Variants in ARHGAP30 observed in about 807,000 individuals in gnomAD.
The protein encoded by ARHGAP30 is Rho GTPase activating protein 30.
ARHGAP30 carries 23 observed loss-of-function variants against 72.0 expected under a neutral mutation model. The observed-to-expected ratio is 0.32, with a 90% CI of 0.23 to 0.45. The LOEUF (loss-of-function observed/expected upper bound fraction) is 0.45, where lower values mean the gene tolerates loss of function less well. Among genes scored for constraint, ARHGAP30 ranks in the 20% least tolerant of loss-of-function variants. The pLI is 1.00. For synonymous variants in ARHGAP30, 576 were observed against 528.2 expected, an observed-to-expected ratio of 1.09 and a Z score of -1.24; for missense variants, 1,319 against 1,383.4, an observed-to-expected ratio of 0.95 and a Z score of 0.74.
chr1:161,053,823 C>G (rs1016849307), intron 5 of ARHGAP30, among the ~76,000 whole-genome samples: 2 of 152,154 alleles, frequency 1.3e-5, no homozygotes, highest in African/African-American at 4.8e-5. Flanking sequence ...CTAGCACTTG[C>G]ACAGGGAGGA....
intron 2 of ARHGAP30, among the ~76,000 whole-genome samples, chr1:161,059,255 C>T (rs565844152): frequency 6.6e-6 from 1 of 152,088 alleles, no homozygotes; most frequent in African/African-American, 2.4e-5. Context: ...TCTTGAACTC[C>T]TGACCTCAGG....
At position 161,048,858 on chromosome 1, in the gene ARHGAP30, T is replaced by C. The variant is rs1651107364; in HGVS notation, c.2163A>G (p.Lys721=). ...CCATACTGTCAGCCTTCTTCTGACC[T>C]TTGGACTTCTCTTCCTTGGCCTCTG... ...EETEAKEEKS[K]GQKKADSMEA... The change falls in exon 12 of 12, where the codon AAA becomes AAG. Residue 721 remains lysine, a synonymous_variant. Coordinates refer to ENST00000368013, the MANE Select transcript of ARHGAP30 (RefSeq NM_001025598.2). The C allele has an allele frequency of 6.2e-7, 1 of 1,614,142 alleles. No homozygotes were observed. Among genetic ancestry groups the C allele is most frequent in the Non-Finnish European group, 8.5e-7 (1 of 1,180,014 alleles).
rs1553219780 is a variant in ARHGAP30, at chr1:161,064,779, A to AAAGAAAGAAAGAAAGAAAG, written c.97+4748_97+4749insCTTTCTTTCTTTCTTTCTT. ...AGAAAGAGAAAGAAAGAAAGAAAGAAAAAGAAAGAAAGAAAGAAAGAAAGA... is the reference window on the plus strand; with the variant it reads ...AGAAAGAGAAAGAAAGAAAGAAAGAAAAGAAAGAAAGAAAGAAAGAAAGAAAGAAAGAAAGAAAGAAAGA... On this transcript the variant is annotated intron_variant, in intron 1 of 11. Transcript: ENST00000368013. Among the ~76,000 whole-genome samples, 92 of 98,146 alleles carry AAAGAAAGAAAGAAAGAAAG rather than the reference A, an allele frequency of 9.4e-4. 2 individuals carry two copies. The highest frequency in any genetic ancestry group is 4.5e-3 in the South Asian group (13 of 2,916). The allele number at this position is 98,146 out of a possible 152,430, so 64.4% of individuals were successfully genotyped here.
At chr1:161,055,492 C>CA (rs1367984382) in intron 3 of ARHGAP30, among the ~76,000 whole-genome samples, 1 of 150,978 alleles carries the variant, frequency 6.6e-6, no homozygotes, top group African/African-American at 2.4e-5. Context: ...GACCCTGTCT[C>CA]AAAAAACAAA....
intron 2 of ARHGAP30, 61 bp downstream of exon 2, chr1:161,059,553 C>T (rs756886751): frequency 1.4e-5 from 20 of 1,441,526 alleles, no homozygotes; most frequent in Non-Finnish European, 1.9e-5. Context: ...GCAACTCTTA[C>T]TGTGACCTTC....
chr1:161,068,820 C>T (rs1485013036), intron 1 of ARHGAP30, among the ~76,000 whole-genome samples: 2 of 152,130 alleles, frequency 1.3e-5, no homozygotes, highest in Admixed American at 6.5e-5. Flanking sequence ...CCACACCCAC[C>T]CTCCTTTGCA....
In ARHGAP30 at chr1:161,069,027, A is replaced by G. The variant is rs1488489077; in HGVS notation, c.97+501T>C. On this transcript the variant is annotated intron_variant, in intron 1 of 11. Coordinates refer to ENST00000368013, the MANE Select transcript of ARHGAP30 (RefSeq NM_001025598.2). This position sits in a 1 kb window ranked among gnomAD's most constrained non-coding sequence, Gnocchi z 4.9. ...TGCGGCCCAGCAAGGCTGCAGTGGG[A>G]ACAGAGCCCATGACCTTGTCCTTGG... is the stretch of plus-strand genomic sequence containing the variant. Among the ~76,000 whole-genome samples, 1 of 152,152 alleles carries G rather than the reference A, an allele frequency of 6.6e-6. No homozygotes were observed. The highest frequency in any genetic ancestry group is 1.5e-5 in the Non-Finnish European group (1 of 68,028).
rs1651119032 is a variant in ARHGAP30, at chr1:161,048,945, T to C, written c.2076A>G (p.Arg692=). 17 of 1,613,708 alleles carry C rather than the reference T, an allele frequency of 1.1e-5. No individual in the cohort carries two copies. Among genetic ancestry groups the C allele is most frequent in the Non-Finnish European group, 1.4e-5 (16 of 1,179,974 alleles). Residue 692 remains arginine, a synonymous_variant, in exon 12 of 12, where the codon AGA becomes AGG. Coordinates refer to ENST00000368013, the MANE Select transcript of ARHGAP30 (RefSeq NM_001025598.2). ...TCTCTTGGCTTCCCCCAGCCTCCCCTCTATCCTCACTGGCCTTTCCAGCCT... is the reference window on the plus strand; with the variant it reads ...TCTCTTGGCTTCCCCCAGCCTCCCCCCTATCCTCACTGGCCTTTCCAGCCT... The part of the protein sequence containing the change: ...KVEAGKASED[R]GEAGGSQETK...
rs1485032491 is a variant in ARHGAP30, at chr1:161,061,564, T to C, written c.98-1848A>G. ...AAAAAAAAACTTTAAAAATTAGATA[T>C]TCTAGTACCCATTTTACAGATAAGA... is the stretch of plus-strand genomic sequence containing the variant. On this transcript the variant is annotated intron_variant, in intron 1 of 11. Coordinates refer to ENST00000368013, the MANE Select transcript of ARHGAP30 (RefSeq NM_001025598.2). 4.6e-5 allele frequency among the ~76,000 whole-genome samples: 7 copies of C among 152,238 alleles called. No homozygotes were observed. The East Asian group carries it at 1.4e-3, about 29-fold the overall frequency.
At chr1:161,060,058 G>C (rs1315799636) in intron 1 of ARHGAP30, 1 of 320,038 alleles carries the variant, frequency 3.1e-6, no homozygotes, top group Non-Finnish European at 6.3e-6. Context: ...AGGCGGGTGA[G>C]TTGCTTGAGC....
chr1:161,052,592 T>C (rs747873196), intron 7 of ARHGAP30, 34 bp downstream of exon 7: 1 of 1,613,810 alleles, frequency 6.2e-7, no homozygotes, highest in Non-Finnish European at 8.5e-7. Context: ...TGAAGGTCGG[T>C]GCAGGGGAGG....
rs1553217392 is a variant in ARHGAP30 at position 161,053,508 on chromosome 1, A to ATCTCTCTCTCTCTCTCTC, written c.537-124_537-123insGAGAGAGAGAGAGAGAGA. 44 of 720,016 alleles carry ATCTCTCTCTCTCTCTCTC rather than the reference A, an allele frequency of 6.1e-5. 1 individual carries two copies. The highest frequency in any genetic ancestry group is 2.4e-5 in the African/African-American group (1 of 41,064). 44.6% of individuals were successfully genotyped at this position (720,016 alleles called of 1,614,324 possible). On this transcript the variant is annotated intron_variant, in intron 5 of 11. Coordinates refer to ENST00000368013, the MANE Select transcript of ARHGAP30 (RefSeq NM_001025598.2). ...TCTCTCTCTCTCTCTCTCTCTCTCG[A>ATCTCTCTCTCTCTCTCTC]ATGACCTTAACCCCTTCTCTACCTC...
intron 1 of ARHGAP30, among the ~76,000 whole-genome samples, chr1:161,065,794 C>T (rs1441551217): frequency 9.9e-5 from 15 of 151,224 alleles, no homozygotes; most frequent in Admixed American, 8.5e-4. Flanking sequence ...CTCAAACTCC[C>T]GACCTCAGGT....
chr1:161,057,939 G>A (rs192206950), intron 2 of ARHGAP30, among the ~76,000 whole-genome samples: 167 of 152,230 alleles, frequency 1.1e-3, no homozygotes, highest in African/African-American at 3.8e-3. Context: ...ATCACCTGAG[G>A]TCGAGAGTTC....
chr1:161,060,762 C>T (rs536936363), intron 1 of ARHGAP30, among the ~76,000 whole-genome samples: 4 of 132,126 alleles, frequency 3.0e-5, no homozygotes, highest in Non-Finnish European at 4.6e-5. Context: ...AGTGCAGTGG[C>T]GCGATCTTTC....
intron 10 of ARHGAP30, among the ~76,000 whole-genome samples, 182 bp from the exon 11 acceptor site, chr1:161,049,871 G>A (rs967255512): frequency 6.6e-6 from 1 of 152,138 alleles, no homozygotes; most frequent in Non-Finnish European, 1.5e-5. Context: ...GACCCTACCA[G>A]GTGCCAAGCA....
chr1:161,060,794 C>T (rs929957342), intron 1 of ARHGAP30, among the ~76,000 whole-genome samples: 4 of 150,106 alleles, frequency 2.7e-5, no homozygotes, highest in African/African-American at 4.9e-5. Context: ...CTCCGCCTCC[C>T]GGGTTCAAGC....
In ARHGAP30 at chr1:161,047,854, C is replaced by T. The variant is rs372657647; in HGVS notation, c.3167G>A (p.Gly1056Asp). Residue 1056 changes from glycine to aspartate, a missense_variant, in exon 12 of 12, where the codon GGT (glycine) becomes GAT (aspartate). Physicochemically the swap from Gly to Asp is moderately conservative, Grantham distance 94. Around this residue, in one of 2 missense-constraint regions of ARHGAP30, gnomAD observed 1,097 missense variants for 1,045.2 expected, o/e 1.05. Transcript: ENST00000368013. ...PLSCLELPSE[G>D]AEGSGSRSRL... ...ACTCCGGGATCCAGACCCTTCTGCA[C>T]CTTCAGATGGGAGCTCCAGGCAGCT... 8.7e-6 allele frequency: 14 copies of T among 1,611,526 alleles called. No homozygotes were observed. In the African/African-American group the frequency reaches 1.1e-4, roughly 12 times the overall value.
chr1:161,050,418 C>T (rs1651266210), intron 10 of ARHGAP30, among the ~76,000 whole-genome samples: 2 of 150,870 alleles, frequency 1.3e-5, no homozygotes, highest in Non-Finnish European at 2.9e-5. Flanking sequence ...CCTGCCTCAG[C>T]CTTCTGAGTC....
Sources: gnomAD v4.1 joint callset for allele counts (sites outside exome capture counted in the v4.1 genomes callset) on GRCh38, gnomAD v4.1.1 for gene constraint, gnomAD v4.1.1 regional missense constraint, Gnocchi (gnomAD v3.1) non-coding constraint, MANE v1.5 for transcripts, NCBI Gene and HGNC (gene_info 2026-07-23, HGNC 2026-07-21) for gene names.